The following CPN2 variants were observed in gnomAD, a reference collection of about 807,000 sequenced individuals.
CPN2 encodes the protein carboxypeptidase N 83 kDa chain.
For synonymous variants in CPN2, 336 were observed against 318.4 expected, an observed-to-expected ratio of 1.06 and a Z score of -0.59; for missense variants, 620 against 671.4, an observed-to-expected ratio of 0.92 and a Z score of 0.85.
In CPN2 at chr3:194,340,759, T is replaced by C; in HGVS notation, c.*306A>G. The C allele has an allele frequency of 2.9e-6, 1 of 343,944 alleles. No homozygotes were observed. Among genetic ancestry groups the C allele is most frequent in the South Asian group, 7.4e-5 (1 of 13,536 alleles). The allele number at this position is 343,944 out of a possible 1,614,324, so 21.3% of individuals were successfully genotyped here. A position where few individuals can be genotyped will look rare whatever the true frequency, so the allele number is the denominator to read the frequency against. Reference sequence around the variant, plus strand: ...TAGGTGAGAGCGGTTGGGTGTTACATAATGGGGAGGCATCAGGGCTGAGGA... The same window carrying C: ...TAGGTGAGAGCGGTTGGGTGTTACACAATGGGGAGGCATCAGGGCTGAGGA... On this transcript the variant is annotated 3_prime_UTR_variant, in exon 2 of 2. Coordinates refer to ENST00000323830, the MANE Select transcript of CPN2 (RefSeq NM_001080513.4).
chr3:194,347,660 CCCCATCCGCTGCCCAGTTCAGCCCA>C (rs1713096412), intron 1 of CPN2, among the ~76,000 whole-genome samples: 2 of 130,014 alleles, frequency 1.5e-5, no homozygotes, highest in South Asian at 2.5e-4. Context: ...GTTCAGCCCA[CCCCATCCGCTGCCCAGTTCAGCCCA>C]CCCCACCCTC....
At position 194,340,949 on chromosome 3, in the gene CPN2, C is replaced by A. The variant is rs1712778149; in HGVS notation, c.*116G>T. ...CCACCCCCTCACCTTGGGGATGTAA[C>A]CCTGTCCCTTGCATGTGAAAAGCCA... On this transcript the variant is annotated 3_prime_UTR_variant, in exon 2 of 2. Transcript: ENST00000323830. The A allele has an allele frequency of 7.0e-7, 1 of 1,418,742 alleles. No homozygotes were observed. Among genetic ancestry groups the A allele is most frequent in the South Asian group, 1.5e-5 (1 of 67,286 alleles). The allele number at this position is 1,418,742 out of a possible 1,614,324, so 87.9% of individuals were successfully genotyped here.
At position 194,341,224 on chromosome 3, in the gene CPN2, G is replaced by A. The variant is rs942389184; in HGVS notation, c.1479C>T (p.Ala493=). ...YSNPEGTVVL[A]CDQAQCRWLN... ...GCCAGCGACACTGGGCCTGGTCACAGGCGAGCACCACGGTGCCCTCGGGGT... is the reference window on the plus strand; with the variant it reads ...GCCAGCGACACTGGGCCTGGTCACAAGCGAGCACCACGGTGCCCTCGGGGT... Residue 493 remains alanine (A), a synonymous_variant, in exon 2 of 2, where the codon GCC becomes GCT. Coordinates refer to ENST00000323830, the MANE Select transcript of CPN2 (RefSeq NM_001080513.4). 3.1e-6 allele frequency: 5 copies of A among 1,613,506 alleles called. No homozygotes were observed. The African/African-American group carries it at 6.7e-5, about 22-fold the overall frequency.
At position 194,341,002 on chromosome 3, in the gene CPN2, C is replaced by T. The variant is rs1712780176; in HGVS notation, c.*63G>A. 2 of 1,503,106 alleles carry T rather than the reference C, an allele frequency of 1.3e-6. No individual in the cohort carries two copies. The allele number at this position is 1,503,106 out of a possible 1,614,324, so 93.1% of individuals were successfully genotyped here. A position where few individuals can be genotyped will look rare whatever the true frequency, so the allele number is the denominator to read the frequency against. ...GCTTCGGAGACTCAGCTCCCCTCCG[C>T]CCCTACCTGTCGCCTGGTCAGGCCC... On this transcript the variant is annotated 3_prime_UTR_variant, in exon 2 of 2. Coordinates refer to ENST00000323830, the MANE Select transcript of CPN2 (RefSeq NM_001080513.4).
chr3:194,341,377 C>G lies in CPN2; in HGVS notation c.1326G>C (p.Gln442His). The G allele has an allele frequency of 6.2e-7, 1 of 1,614,122 alleles. No homozygotes were observed. Among genetic ancestry groups the G allele is most frequent in the Non-Finnish European group, 8.5e-7 (1 of 1,180,050 alleles). ...GQVVPALNEK[Q>H]LVCPVTRDHL... ...GGTCCCGGGTGACGGGACACACCAG[C>G]TGCTTCTCATTCAAGGCGGGCACCA... Residue 442 changes from glutamine to histidine, a missense_variant, in exon 2 of 2, where the codon CAG (glutamine) becomes CAC (histidine). By Grantham distance (24) the Gln-to-His change is conservative. Coordinates refer to ENST00000323830, the MANE Select transcript of CPN2 (RefSeq NM_001080513.4).
Position 194,350,806 on chromosome 3 carries a change from A to T in CPN2, c.-4+436T>A, listed in dbSNP as rs577709803. ...GGAGTTCAAGACCAGCCTGAGCAAC[A>T]TAACAAGACCCCCATCTCAAAAAAC... is the stretch of plus-strand genomic sequence containing the variant. On this transcript the variant is annotated intron_variant, in intron 1 of 1. Transcript: ENST00000323830. Among the ~76,000 whole-genome samples, 101 of 152,200 alleles carry T rather than the reference A, an allele frequency of 6.6e-4. No individual in the cohort carries two copies. The South Asian group carries it at 0.021, about 31-fold the overall frequency.
intron 1 of CPN2, among the ~76,000 whole-genome samples, chr3:194,344,831 C>T (rs940707281): frequency 5.9e-5 from 9 of 152,322 alleles, no homozygotes; most frequent in South Asian, 2.1e-4. Context: ...CGTGTGCCTC[C>T]TGGCTCTGTG....
At position 194,340,875 on chromosome 3, in the gene CPN2, G is replaced by T; in HGVS notation, c.*190C>A. 1.2e-6 allele frequency: 1 copy of T among 866,446 alleles called. No individual in the cohort carries two copies. Among genetic ancestry groups the T allele is most frequent in the Non-Finnish European group, 1.7e-6 (1 of 588,600 alleles). The allele number at this position is 866,446 out of a possible 1,614,324, so 53.7% of individuals were successfully genotyped here. A position where few individuals can be genotyped will look rare whatever the true frequency, so the allele number is the denominator to read the frequency against. ...TTAGGCCGCACACTCCAGGAGAAGC[G>T]ATGAAGGAAGAGGAGGAGGAGACCC... On this transcript the variant is annotated 3_prime_UTR_variant, in exon 2 of 2. Transcript: ENST00000323830.
intron 1 of CPN2, among the ~76,000 whole-genome samples, chr3:194,344,567 C>T (rs997646596): frequency 6.6e-6 from 1 of 152,140 alleles, no homozygotes; most frequent in African/African-American, 2.4e-5. Flanking sequence ...CGGTGGTGCA[C>T]ATCTGTAATC....
chr3:194,347,215 G>T (rs1713076753), intron 1 of CPN2, among the ~76,000 whole-genome samples: 3 of 151,484 alleles, frequency 2.0e-5, no homozygotes, highest in Admixed American at 2.0e-4. Context: ...TTTTTTTGAG[G>T]GATAGGGAAG....
rs749821635 is a variant in CPN2, at chr3:194,341,998, C to A, written c.705G>T (p.Gln235His). 7 of 1,614,056 alleles carry A rather than the reference C, an allele frequency of 4.3e-6. No individual in the cohort carries two copies. The highest frequency in any genetic ancestry group is 1.7e-5 in the Admixed American group (1 of 60,008). ...DSNNISELPP[Q>H]VFSQLFCLER... is the part of the protein sequence containing the mutation. ...CTAGGCAGAAGAGCTGGGAGAACACCTGAGGGGGCAGCTCCGAGATGTTGT... is the reference window on the plus strand; with the variant it reads ...CTAGGCAGAAGAGCTGGGAGAACACATGAGGGGGCAGCTCCGAGATGTTGT... The change falls in exon 2 of 2, where the codon CAG becomes CAT. Residue 235 changes from glutamine to histidine, a missense_variant. Physicochemically the swap from Gln to His is conservative, Grantham distance 24 (BLOSUM62 0). Transcript: ENST00000323830.
At position 194,341,813 on chromosome 3, in the gene CPN2, G is replaced by A. The variant is rs768880896; in HGVS notation, c.890C>T (p.Thr297Ile). 8 of 1,613,818 alleles carry A rather than the reference G, an allele frequency of 5.0e-6. No homozygotes were observed. In the South Asian group the frequency reaches 8.8e-5, roughly 18 times the overall value. ...HTPCLVGLSL[T>I]HNQLETVAEG... is the part of the protein sequence containing the mutation. ...AGCGACAGTCTCCAGCTGGTTATGG[G>A]TCAGAGACAGGCCAACCAGGCACGG... Residue 297 changes from threonine to isoleucine, a missense_variant, in exon 2 of 2, where the codon ACC becomes ATC. Transcript: ENST00000323830.
chr3:194,346,987 C>G (rs189790628), intron 1 of CPN2, among the ~76,000 whole-genome samples: 201 of 152,264 alleles, frequency 1.3e-3, no homozygotes, highest in African/African-American at 4.4e-3. Context: ...GGCCTTGGCC[C>G]CTTCCCCAGC....
In CPN2 at chr3:194,342,682, C is replaced by A; in HGVS notation, c.21G>T (p.Leu7=). 6.6e-7 allele frequency: 1 copy of A among 1,513,336 alleles called. No individual in the cohort carries two copies. Among genetic ancestry groups the A allele is most frequent in the Non-Finnish European group, 9.1e-7 (1 of 1,102,488 alleles). The allele number at this position is 1,513,336 out of a possible 1,614,324, so 93.7% of individuals were successfully genotyped here. A position where few individuals can be genotyped will look rare whatever the true frequency, so the allele number is the denominator to read the frequency against. The part of the protein sequence containing the change: MLPGAW[L]LWTSLLLLAR... ...CCAGGAGCAGGAGGGAGGTCCAGAG[C>A]AGCCAGGCTCCAGGGAGCATCTTCT... The change falls in exon 2 of 2, where the codon CTG becomes CTT. Residue 7 remains leucine (L), a synonymous_variant. Transcript: ENST00000323830.
chr3:194,343,314 G>C (rs1008754482), intron 1 of CPN2, among the ~76,000 whole-genome samples: 1 of 152,078 alleles, frequency 6.6e-6, no homozygotes, highest in Non-Finnish European at 1.5e-5. Context: ...TTTCTTTACT[G>C]TTTTTTAAAA....
chr3:194,350,770 G>A (rs9823904), intron 1 of CPN2, among the ~76,000 whole-genome samples: 3 of 151,744 alleles, frequency 2.0e-5, no homozygotes, highest in Admixed American at 2.0e-4. Flanking sequence ...TGGGAGGATC[G>A]CTTGAAGCCA....
At chr3:194,345,639 G>A (rs972101817) in intron 1 of CPN2, among the ~76,000 whole-genome samples, 3 of 152,184 alleles carry the variant, frequency 2.0e-5, no homozygotes, top group East Asian at 1.9e-4. Context: ...TGTGGGTCCC[G>A]AGACCAGCTG....
In CPN2 at chr3:194,342,022, G is replaced by T. The variant is rs1450011352; in HGVS notation, c.681C>A (p.Asn227Lys). ...CCTGAGGGGGCAGCTCCGAGATGTT[G>T]TTGCTGTCCAGGAAGAGCTCCTGCA... is the stretch of plus-strand genomic sequence containing the variant. ...GSLQELFLDS[N>K]NISELPPQVF... Residue 227 changes from asparagine (N) to lysine (K), a missense_variant, in exon 2 of 2, where the codon AAC (asparagine) becomes AAA (lysine). Physicochemically the swap from Asn to Lys is moderately conservative, Grantham distance 94 (BLOSUM62 0). Coordinates refer to ENST00000323830, the MANE Select transcript of CPN2 (RefSeq NM_001080513.4). 6.2e-7 allele frequency: 1 copy of T among 1,614,200 alleles called. No homozygotes were observed. Among genetic ancestry groups the T allele is most frequent in the East Asian group, 2.2e-5 (1 of 44,878 alleles).
rs766732816 is a variant in CPN2, at chr3:194,341,068, G to C, written c.1635C>G (p.Pro545=). Residue 545 remains proline, a synonymous_variant, in exon 2 of 2, where the codon CCC becomes CCG. Coordinates refer to ENST00000323830, the MANE Select transcript of CPN2 (RefSeq NM_001080513.4). ...CCAGCTCCTGTATGCGCTGCTACTA[G>C]GGCCCTGCTGCCCGAGCCTCGATAG... ...TVSIEARAAG[P] The C allele has an allele frequency of 1.9e-6, 3 of 1,597,580 alleles. No homozygotes were observed. Among genetic ancestry groups the C allele is most frequent in the East Asian group, 4.5e-5 (2 of 44,556 alleles).
Sources: gnomAD v4.1 joint callset for allele counts (sites outside exome capture counted in the v4.1 genomes callset) on GRCh38, gnomAD v4.1.1 for gene constraint, MANE v1.5 for transcripts, NCBI Gene and HGNC (gene_info 2026-07-23, HGNC 2026-07-21) for gene names.